Variants in FSIP1 observed in about 807,000 individuals in gnomAD.
FSIP1 encodes fibrous sheath-interacting protein 1.
FSIP1 carries 65 observed loss-of-function variants against 60.9 expected under a neutral mutation model. The observed-to-expected ratio is 1.07, with a 90% CI of 0.87 to 1.31. The LOEUF is 1.31. Ranked by LOEUF, FSIP1 falls within the 40% of genes most tolerant of loss-of-function variation. FSIP1 has a pLI of 0.00. For synonymous variants in FSIP1, 209 were observed against 221.2 expected, an observed-to-expected ratio of 0.94 and a Z score of 0.49; for missense variants, 675 against 665.5, an observed-to-expected ratio of 1.01 and a Z score of -0.16.
At chr15:39,655,153 G>A (rs539354536) in intron 10 of FSIP1, among the ~76,000 whole-genome samples, 13 of 152,198 alleles carry the variant, frequency 8.5e-5, no homozygotes, top group East Asian at 7.7e-4. Flanking sequence ...AGTTTTCCCA[G>A]TATCTGTTTT....
At chr15:39,709,364 G>A (rs1232508842) in intron 10 of FSIP1, among the ~76,000 whole-genome samples, 1 of 152,210 alleles carries the variant, frequency 6.6e-6, no homozygotes, top group African/African-American at 2.4e-5. Context: ...TGGTTGGAGG[G>A]CAGTAGACTA....
At chr15:39,722,228 T>C (rs1896010615) in intron 9 of FSIP1, among the ~76,000 whole-genome samples, 1 of 152,026 alleles carries the variant, frequency 6.6e-6, no homozygotes, top group African/African-American at 2.4e-5. Flanking sequence ...CCTGGTGATC[T>C]GTCACTGTCT....
intron 10 of FSIP1, among the ~76,000 whole-genome samples, chr15:39,637,291 T>G (rs1006071915): frequency 1.3e-5 from 2 of 152,196 alleles, no homozygotes; most frequent in African/African-American, 4.8e-5. Context: ...TAAGACTGGC[T>G]GCTTTAAGCA....
intron 5 of FSIP1, among the ~76,000 whole-genome samples, chr15:39,751,673 G>A (rs185143684): frequency 2.4e-4 from 36 of 151,960 alleles, no homozygotes; most frequent in African/African-American, 8.4e-4. Flanking sequence ...GGGAGGAAAT[G>A]GGAAAATGTA....
chr15:39,632,422 C>T (rs1891934198), intron 10 of FSIP1, among the ~76,000 whole-genome samples: 1 of 152,156 alleles, frequency 6.6e-6, no homozygotes, highest in Non-Finnish European at 1.5e-5. Flanking sequence ...AAGCAATCCT[C>T]CCACCTCAGC....
intron 10 of FSIP1, among the ~76,000 whole-genome samples, chr15:39,696,870 CTGTGTGTGTGTGTGTGTGTGTG>C (rs67940382): frequency 0.12 from 13,665 of 111,644 alleles, 1,139 homozygotes; most frequent in East Asian, 0.24. Context: ...GAAGGGGTGT[CTGTGTGTGTGTGTGTGTGTGTG>C]TGTGTGTGTG....
chr15:39,643,078 A>T (rs1892444077), intron 10 of FSIP1, among the ~76,000 whole-genome samples: 1 of 152,242 alleles, frequency 6.6e-6, no homozygotes, highest in Non-Finnish European at 1.5e-5. Context: ...GTAGCAGTAT[A>T]ATTAATCCTT....
intron 8 of FSIP1, among the ~76,000 whole-genome samples, chr15:39,729,570 T>C (rs886096351): frequency 6.6e-6 from 1 of 151,884 alleles, no homozygotes; most frequent in Non-Finnish European, 1.5e-5. Flanking sequence ...TAAGACCCTG[T>C]CTTAAGGAGA....
chr15:39,629,293 TCG>T (rs1891780520), intron 10 of FSIP1, among the ~76,000 whole-genome samples: 1 of 152,204 alleles, frequency 6.6e-6, no homozygotes, highest in Admixed American at 6.5e-5. Flanking sequence ...TCATCTATCA[TCG>T]CCCTCGGAAG....
At chr15:39,690,538 C>T (rs1185231242) in intron 10 of FSIP1, among the ~76,000 whole-genome samples, 1 of 152,172 alleles carries the variant, frequency 6.6e-6, no homozygotes, top group African/African-American at 2.4e-5. Flanking sequence ...CCTGAAGCTG[C>T]TCCACAGCCC....
chr15:39,726,451 G>T, intron 9 of FSIP1, 138 bp downstream of exon 9: 1 of 773,046 alleles, frequency 1.3e-6, no homozygotes, highest in Non-Finnish European at 2.1e-6. Context: ...GTAGAAAGTG[G>T]AAGTAACCAA....
intron 10 of FSIP1, among the ~76,000 whole-genome samples, chr15:39,690,886 T>A (rs1304802776): frequency 6.6e-6 from 1 of 152,230 alleles, no homozygotes; most frequent in Non-Finnish European, 1.5e-5. Flanking sequence ...TGCTAGCCAG[T>A]TCAACATTCT....
intron 8 of FSIP1, among the ~76,000 whole-genome samples, chr15:39,729,012 T>C (rs1405009993): frequency 3.9e-5 from 6 of 152,064 alleles, no homozygotes; most frequent in Admixed American, 3.9e-4. Context: ...CACTAATCAT[T>C]TGAAAAATGC....
Position 39,776,549 on chromosome 15 carries a change from ATATT to A in FSIP1, c.-7-22_-7-19del. ...TTGAAATCCTGAAACAACAAATAAA[ATATT>A]TAATACCAAGCGACTCGGATATTTA... On this transcript the variant is annotated intron_variant, in intron 1 of 11. Coordinates refer to ENST00000350221, the MANE Select transcript of FSIP1 (RefSeq NM_152597.5). The A allele has an allele frequency of 1.3e-6, 2 of 1,571,876 alleles. No homozygotes were observed. Among genetic ancestry groups the A allele is most frequent in the Non-Finnish European group, 1.7e-6 (2 of 1,148,390 alleles).
At position 39,704,949 on chromosome 15, in the gene FSIP1, A is replaced by G. The variant is rs570694439; in HGVS notation, c.1188+8495T>C. ...ACAATGCAGTTCACCAAACAAGGCC[A>G]AGCTCAGTGGTTTCCAGGAAACTGA... On this transcript the variant is annotated intron_variant, in intron 10 of 11. Coordinates refer to ENST00000350221, the MANE Select transcript of FSIP1 (RefSeq NM_152597.5). Among the ~76,000 whole-genome samples, 13 of 152,372 alleles carry G rather than the reference A, an allele frequency of 8.5e-5. No individual in the cohort carries two copies. The South Asian group carries it at 2.1e-3, about 24-fold the overall frequency.
intron 10 of FSIP1, among the ~76,000 whole-genome samples, chr15:39,651,790 C>T (rs368789882): frequency 1.6e-3 from 245 of 152,336 alleles, no homozygotes; most frequent in African/African-American, 5.7e-3. Flanking sequence ...TCAACCTATA[C>T]AAATTGTTAG....
intron 10 of FSIP1, among the ~76,000 whole-genome samples, chr15:39,706,761 A>T (rs1409486850): frequency 6.6e-6 from 1 of 152,180 alleles, no homozygotes; most frequent in Non-Finnish European, 1.5e-5. Flanking sequence ...CCCCGCTAAA[A>T]GTAATTACTG....
At chr15:39,767,987 C>G (rs1595401778) in intron 3 of FSIP1, among the ~76,000 whole-genome samples, 1 of 152,196 alleles carries the variant, frequency 6.6e-6, no homozygotes, top group East Asian at 1.9e-4. Context: ...ACACAAGCCG[C>G]CAGCAGACGG....
chr15:39,673,663 CT>C (rs1893810740), intron 10 of FSIP1, among the ~76,000 whole-genome samples: 1 of 152,064 alleles, frequency 6.6e-6, no homozygotes, highest in African/African-American at 2.4e-5. Context: ...CATGGCCTGC[CT>C]TTATATTTAA....
Sources: gnomAD v4.1 joint callset for allele counts (sites outside exome capture counted in the v4.1 genomes callset) on GRCh38, gnomAD v4.1.1 for gene constraint, MANE v1.5 for transcripts, NCBI Gene and HGNC (gene_info 2026-07-23, HGNC 2026-07-21) for gene names.